The following RERE variants were observed in gnomAD, a reference collection of about 807,000 sequenced individuals.
The protein encoded by RERE is arginine-glutamic acid dipeptide repeats protein.
In RERE, 40 loss-of-function variants were observed where a neutral mutation model predicts 146.1. The ratio of observed to expected loss-of-function variants is 0.27; its 90% CI spans 0.21 to 0.36. The LOEUF (loss-of-function observed/expected upper bound fraction) is 0.36. RERE is among the 10% of genes least tolerant of loss of function. The pLI is 1.00. For synonymous variants in RERE, 1,003 were observed against 866.0 expected, an observed-to-expected ratio of 1.16 and a Z score of -2.78; for missense variants, 1,933 against 2,138.7, an observed-to-expected ratio of 0.90 and a Z score of 1.90.
intron 4 of RERE, among the ~76,000 whole-genome samples, chr1:8,580,354 T>TG (rs1229354817): frequency 4.6e-5 from 7 of 152,220 alleles, no homozygotes; most frequent in African/African-American, 1.4e-4. Flanking sequence ...CCATATACAC[T>TG]GGAACTCTGA....
At chr1:8,611,701 C>T (rs1646795532) in intron 4 of RERE, among the ~76,000 whole-genome samples, 1 of 152,194 alleles carries the variant, frequency 6.6e-6, no homozygotes, top group Non-Finnish European at 1.5e-5. Flanking sequence ...AGGATGGGTG[C>T]AGCCAACATG....
chr1:8,398,840 T>TCAACAACAAA (rs1041468112), intron 12 of RERE, among the ~76,000 whole-genome samples: 5 of 152,180 alleles, frequency 3.3e-5, no homozygotes, highest in African/African-American at 1.2e-4. Flanking sequence ...ACTTCATATC[T>TCAACAACAAA]CAACAACAAA....
intron 2 of RERE, among the ~76,000 whole-genome samples, chr1:8,628,759 T>TA (rs2124242680): frequency 6.6e-6 from 1 of 152,356 alleles, no homozygotes; most frequent in Non-Finnish European, 1.5e-5. Context: ...AGAGCAATGT[T>TA]AAAATCTCAG....
At chr1:8,591,544 GC>G (rs1232273078) in intron 4 of RERE, among the ~76,000 whole-genome samples, 1 of 151,882 alleles carries the variant, frequency 6.6e-6, no homozygotes, top group Non-Finnish European at 1.5e-5. Context: ...AATGAACCCT[GC>G]CCTAACATGT....
At chr1:8,765,488 A>G (rs1449740300) in intron 1 of RERE, among the ~76,000 whole-genome samples, 1 of 152,212 alleles carries the variant, frequency 6.6e-6, no homozygotes, top group African/African-American at 2.4e-5. Flanking sequence ...GGTAAATTAT[A>G]TGATATGTGA....
chr1:8,795,994 A>C (rs12035090), intron 1 of RERE, among the ~76,000 whole-genome samples: 33,725 of 145,476 alleles, frequency 0.23, 5,971 homozygotes, highest in East Asian at 0.76. Context: ...AAAAAAAAAA[A>C]AAAACAAAAC....
chr1:8,595,076 G>C (rs565414996), intron 4 of RERE, among the ~76,000 whole-genome samples: 6 of 151,186 alleles, frequency 4.0e-5, no homozygotes, highest in African/African-American at 9.7e-5. Flanking sequence ...CAGGAGGATC[G>C]CTTGAGCCCA....
In RERE at chr1:8,601,626, C is replaced by CCACACACACACACACA. The variant is rs3082094; in HGVS notation, c.522+12919_522+12934dup. Among the ~76,000 whole-genome samples, 95 of 94,968 alleles carry CCACACACACACACACA rather than the reference C, an allele frequency of 1.0e-3. 9 individuals carry two copies. Among genetic ancestry groups the CCACACACACACACACA allele is most frequent in the African/African-American group, 2.1e-3 (48 of 22,914 alleles). 62.3% of individuals were successfully genotyped at this position (94,968 alleles called of 152,430 possible). A position where few individuals can be genotyped will look rare whatever the true frequency, so the allele number is the denominator to read the frequency against. On this transcript the variant is annotated intron_variant, in intron 4 of 22. Transcript: ENST00000400908. The stretch of plus-strand genomic sequence containing the variant: ...CCAACTGCCTTCATGTCCAAGGTCA[C>CCACACACACACACACA]CACACACACACACACACACACACAC...
intron 2 of RERE, among the ~76,000 whole-genome samples, chr1:8,638,369 T>C (rs1430477633): frequency 6.6e-6 from 1 of 152,218 alleles, no homozygotes; most frequent in Admixed American, 6.5e-5. Flanking sequence ...CCTAGCTTCA[T>C]AAATGAAGTG....
chr1:8,636,309 T>C (rs980661281), intron 2 of RERE, among the ~76,000 whole-genome samples: 1 of 90,114 alleles, frequency 1.1e-5, no homozygotes, highest in African/African-American at 4.4e-5. Context: ...TTTTAATGGT[T>C]ACTTATTTTT....
chr1:8,526,048 G>A, intron 7 of RERE: 1 of 1,214,080 alleles, frequency 8.2e-7, no homozygotes, highest in East Asian at 3.6e-5. Flanking sequence ...TCTCAACCCT[G>A]CTGTTTCCGT....
intron 8 of RERE, among the ~76,000 whole-genome samples, chr1:8,504,136 G>A (rs113940723): frequency 3.2e-4 from 48 of 152,180 alleles, no homozygotes; most frequent in African/African-American, 9.9e-4. Flanking sequence ...AAAAGGCCTC[G>A]AAATAGCAAC....
intron 4 of RERE, among the ~76,000 whole-genome samples, chr1:8,558,976 A>T (rs1325860112): frequency 1.3e-5 from 2 of 151,252 alleles, no homozygotes; most frequent in Non-Finnish European, 1.5e-5. Context: ...TTGTATTTTT[A>T]GTAGAGACAT....
At chr1:8,815,645 G>A (rs751904608) in intron 1 of RERE, among the ~76,000 whole-genome samples, 1 of 152,096 alleles carries the variant, frequency 6.6e-6, no homozygotes, top group Non-Finnish European at 1.5e-5. Flanking sequence ...GCCTCACAAG[G>A]TTGCAAAAAC....
At chr1:8,548,877 C>T (rs900768603) in intron 6 of RERE, among the ~76,000 whole-genome samples, 4 of 151,924 alleles carry the variant, frequency 2.6e-5, no homozygotes, top group Non-Finnish European at 4.4e-5. Context: ...CTCAGCCACT[C>T]GGGAGGCTGA....
intron 1 of RERE, among the ~76,000 whole-genome samples, chr1:8,756,819 T>C (rs1194809080): frequency 6.6e-6 from 1 of 152,098 alleles, no homozygotes; most frequent in Admixed American, 6.6e-5. Flanking sequence ...TGGCCAGACA[T>C]GGTGGCTCAC....
In RERE at chr1:8,352,790, G is replaced by A. The variant is rs570447276; in HGVS notation, c.*2297C>T. On this transcript the variant is annotated 3_prime_UTR_variant, in exon 23 of 23. Transcript: ENST00000400908. Reference sequence around the variant, plus strand: ...GTTTATCTGGTGAGGGTTTCGGGTCGAGGGTTTTTTAGATGGAAGAATCTC... The same window carrying A: ...GTTTATCTGGTGAGGGTTTCGGGTCAAGGGTTTTTTAGATGGAAGAATCTC... The A allele has an allele frequency of 1.3e-5, 2 of 152,512 alleles. No homozygotes were observed. Among genetic ancestry groups the A allele is most frequent in the South Asian group, 2.1e-4 (1 of 4,818 alleles). The allele number at this position is 152,512 out of a possible 1,614,324, so 9.4% of individuals were successfully genotyped here. A position where few individuals can be genotyped will look rare whatever the true frequency, so the allele number is the denominator to read the frequency against.
At chr1:8,489,259 T>C (rs989316953) in intron 10 of RERE, among the ~76,000 whole-genome samples, 26 of 151,256 alleles carry the variant, frequency 1.7e-4, no homozygotes, top group African/African-American at 4.4e-4. Context: ...ACTCAGGAGG[T>C]TGAGGCAGGA....
chr1:8,762,429 C>T (rs1640772335), intron 1 of RERE, among the ~76,000 whole-genome samples: 1 of 152,146 alleles, frequency 6.6e-6, no homozygotes, highest in African/African-American at 2.4e-5. Context: ...AGCTTTTCAG[C>T]ACAAGAACTT....
Sources: allele counts gnomAD v4.1 joint callset (sites outside exome capture counted in the v4.1 genomes callset), GRCh38; gene constraint gnomAD v4.1.1; transcripts MANE v1.5; gene names NCBI Gene and HGNC (gene_info 2026-07-23, HGNC 2026-07-21).